MLXIP: variants seen among roughly 807,000 people sequenced by gnomAD.
The protein encoded by MLXIP is MLX interacting protein, also known as MLX-interacting protein.
Under a neutral mutation model 87.2 loss-of-function variants are expected in MLXIP, and 30 were observed. That is an observed-to-expected ratio of 0.34 (90% CI 0.26 to 0.47). MLXIP has a LOEUF of 0.47. Ranked by LOEUF, MLXIP falls within the 20% of genes least tolerant of loss-of-function variation. MLXIP has a pLI of 1.00. For missense variants in MLXIP, 1,002 were observed against 1,240.1 expected, an observed-to-expected ratio of 0.81 and a Z score of 2.88; for synonymous variants, 530 against 514.0, an observed-to-expected ratio of 1.03 and a Z score of -0.42.
intron 1 of MLXIP, among the ~76,000 whole-genome samples, chr12:122,097,696 C>A (rs1952375791): frequency 6.6e-6 from 1 of 152,094 alleles, no homozygotes; most frequent in South Asian, 2.1e-4. Flanking sequence ...TGCCCACCAT[C>A]CCCCTGCTGT....
At chr12:122,134,342 G>A (rs991712357) in intron 9 of MLXIP, 6 of 283,616 alleles carry the variant, frequency 2.1e-5, no homozygotes, top group Non-Finnish European at 4.0e-5. Flanking sequence ...TTACAGGTGT[G>A]CGCCACTATA....
At chr12:122,128,874 GTCC>G in intron 3 of MLXIP, 1 of 458,424 alleles carries the variant, frequency 2.2e-6, no homozygotes, top group Non-Finnish European at 3.9e-6. Flanking sequence ...CTCTCACCCT[GTCC>G]TCCTGGACAG....
intron 1 of MLXIP, among the ~76,000 whole-genome samples, chr12:122,096,672 G>A (rs1350187504): frequency 1.3e-5 from 2 of 152,204 alleles, no homozygotes; most frequent in Non-Finnish European, 2.9e-5. Flanking sequence ...GCCTGCTGTG[G>A]GGCAGGGGTA....
At chr12:122,118,214 C>T (rs185991136) in intron 1 of MLXIP, among the ~76,000 whole-genome samples, 35 of 152,204 alleles carry the variant, frequency 2.3e-4, no homozygotes, top group African/African-American at 6.5e-4. Flanking sequence ...CAGAGCGGTA[C>T]GGCGTGAGAT....
At chr12:122,086,235 A>C (rs2135895620) in intron 1 of MLXIP, among the ~76,000 whole-genome samples, 1 of 152,280 alleles carries the variant, frequency 6.6e-6, no homozygotes, top group East Asian at 1.9e-4. Flanking sequence ...TAAAATCATA[A>C]AGTCTGTTGT....
At chr12:122,087,298 A>G (rs1018359962) in intron 1 of MLXIP, among the ~76,000 whole-genome samples, 25 of 152,076 alleles carry the variant, frequency 1.6e-4, no homozygotes, top group Non-Finnish European at 7.4e-5. Context: ...CCCTCATGGG[A>G]CTTCCATGCT....
intron 1 of MLXIP, among the ~76,000 whole-genome samples, chr12:122,095,521 A>G (rs1198574184): frequency 6.6e-6 from 1 of 151,978 alleles, no homozygotes; most frequent in Non-Finnish European, 1.5e-5. Flanking sequence ...CTGCAGAGAC[A>G]TGTTTGCTGA....
At chr12:122,122,334 G>A (rs915991979) in intron 1 of MLXIP, among the ~76,000 whole-genome samples, 2 of 152,110 alleles carry the variant, frequency 1.3e-5, no homozygotes, top group African/African-American at 4.8e-5. Flanking sequence ...AGGGAGGGCT[G>A]CCCTCCACTG....
At chr12:122,089,793 A>G (rs186490418) in intron 1 of MLXIP, among the ~76,000 whole-genome samples, 4 of 152,340 alleles carry the variant, frequency 2.6e-5, no homozygotes, top group Admixed American at 2.0e-4. Context: ...TGTTTTCTTG[A>G]CATGTTTTTG....
Position 122,146,271 on chromosome 12 carries a change from G to T in MLXIP, c.*4459G>T, listed in dbSNP as rs1324290637. On this transcript the variant is annotated 3_prime_UTR_variant, in exon 17 of 17. Coordinates refer to ENST00000319080, the MANE Select transcript of MLXIP (RefSeq NM_014938.6). The stretch of plus-strand genomic sequence containing the variant: ...CAGGGGAGAGGGGACAGCAAGGTGG[G>T]AGGTTGAAGAGCTTTGAGGCTCAGC... 1 of 152,414 alleles carries T rather than the reference G, an allele frequency of 6.6e-6. No individual in the cohort carries two copies. Among genetic ancestry groups the T allele is most frequent in the Non-Finnish European group, 1.5e-5 (1 of 68,174 alleles). 9.4% of individuals were successfully genotyped at this position (152,414 alleles called of 1,614,324 possible).
chr12:122,121,009 G>GCTTTTTTTTTTT (rs776332981), intron 1 of MLXIP, among the ~76,000 whole-genome samples: 1 of 102,170 alleles, frequency 9.8e-6, no homozygotes, highest in African/African-American at 4.0e-5. Context: ...CTGCATGCTT[G>GCTTTTTTTTTTT]GTTTTTTTTT....
intron 1 of MLXIP, among the ~76,000 whole-genome samples, chr12:122,099,556 C>T (rs1952406134): frequency 6.6e-6 from 1 of 152,250 alleles, no homozygotes; most frequent in African/African-American, 2.4e-5. Flanking sequence ...GGCTGATTTC[C>T]CCAATGACCT....
At chr12:122,118,041 T>G (rs529984588) in intron 1 of MLXIP, among the ~76,000 whole-genome samples, 1 of 152,296 alleles carries the variant, frequency 6.6e-6, no homozygotes, top group South Asian at 2.1e-4. Context: ...CTCTTATGCT[T>G]TGTGGCCATT....
Position 122,133,411 on chromosome 12 carries a change from C to A in MLXIP, c.1156C>A (p.Pro386Thr), listed in dbSNP as rs560046791. Residue 386 changes from proline to threonine, a missense_variant, in exon 9 of 17, where the codon CCT (proline) becomes ACT (threonine). Physicochemically the swap from Pro to Thr is conservative, Grantham distance 38 (BLOSUM62 -1). Around this residue, in one of 3 missense-constraint regions of MLXIP, gnomAD observed 746 missense variants for 897.0 expected, o/e 0.83. Coordinates refer to ENST00000319080, the MANE Select transcript of MLXIP (RefSeq NM_014938.6). The surrounding 1 kb of genome is among the most constrained non-coding windows in gnomAD (Gnocchi z 4.9). ...CCTTCCTGACAGCCTCATCGCGCCC[C>A]CTACCGCCCCATCCCTGGCTCACAT... ...VSLPDSLIAP[P>T]TAPSLAHMDE... 1 of 1,607,962 alleles carries A rather than the reference C, an allele frequency of 6.2e-7. No homozygotes were observed. The highest frequency in any genetic ancestry group is 8.5e-7 in the Non-Finnish European group (1 of 1,175,802).
At chr12:122,129,443 T>C in intron 4 of MLXIP, 145 bp from the exon 5 acceptor site, 1 of 1,017,074 alleles carries the variant, frequency 9.8e-7, no homozygotes, top group Non-Finnish European at 1.5e-6. Flanking sequence ...GTGCACTGGG[T>C]GGAAGTCTCC....
chr12:122,096,707 G>T (rs778855972), intron 1 of MLXIP, among the ~76,000 whole-genome samples: 14 of 152,202 alleles, frequency 9.2e-5, no homozygotes, highest in Non-Finnish European at 1.9e-4. Flanking sequence ...CAGCATGCCC[G>T]CAGGACTGAT....
chr12:122,078,773 G>T lies in MLXIP; in HGVS notation c.-81G>T, dbSNP rs950779036. ...TCGCGGACAGTCGGCGCGCGGGCCG[G>T]GCCGGGCCGGCGCCCCTCTGCCTCG... On this transcript the variant is annotated 5_prime_UTR_variant, in exon 1 of 17. Transcript: ENST00000319080. 19 of 1,016,954 alleles carry T rather than the reference G, an allele frequency of 1.9e-5. No homozygotes were observed. In the African/African-American group the frequency reaches 2.8e-4, roughly 15 times the overall value. 63.0% of individuals were successfully genotyped at this position (1,016,954 alleles called of 1,614,324 possible).
At chr12:122,114,826 A>G (rs888046665) in intron 1 of MLXIP, among the ~76,000 whole-genome samples, 2 of 146,306 alleles carry the variant, frequency 1.4e-5, no homozygotes, top group African/African-American at 2.6e-5. Context: ...GCTCACCTCA[A>G]CCCCCACCTC....
chr12:122,121,010 G>GTTTTTTTTTTT lies in MLXIP; in HGVS notation c.414-6238_414-6228dup, dbSNP rs1233404015. 2.5e-3 allele frequency among the ~76,000 whole-genome samples: 280 copies of GTTTTTTTTTTT among 111,884 alleles called. 29 individuals carry two copies. Among genetic ancestry groups the GTTTTTTTTTTT allele is most frequent in the African/African-American group, 7.5e-3 (206 of 27,438 alleles). The allele number at this position is 111,884 out of a possible 152,430, so 73.4% of individuals were successfully genotyped here. A position where few individuals can be genotyped will look rare whatever the true frequency, so the allele number is the denominator to read the frequency against. On this transcript the variant is annotated intron_variant, in intron 1 of 16. Coordinates refer to ENST00000319080, the MANE Select transcript of MLXIP (RefSeq NM_014938.6). ...AGCCCCAGAGCCCTCTGCATGCTTG[G>GTTTTTTTTTTT]TTTTTTTTTTTTTTTTTTGAAACGG...
Sources: allele counts gnomAD v4.1 joint callset (sites outside exome capture counted in the v4.1 genomes callset), GRCh38; gene constraint gnomAD v4.1.1; regional missense constraint gnomAD v4.1.1; non-coding constraint Gnocchi (gnomAD v3.1); transcripts MANE v1.5; gene names NCBI Gene and HGNC (gene_info 2026-07-23, HGNC 2026-07-21).